The following DSCAM variants were observed in gnomAD, a reference collection of about 807,000 sequenced individuals.
The protein encoded by DSCAM is DS cell adhesion molecule.
In DSCAM, 47 loss-of-function variants were observed where a neutral mutation model predicts 217.7. The ratio of observed to expected loss-of-function variants is 0.22; its 90% CI spans 0.17 to 0.28. DSCAM has a LOEUF of 0.28. Among genes scored for constraint, DSCAM ranks in the 10% least tolerant of loss-of-function variants. The pLI, the probability that DSCAM is intolerant of heterozygous loss-of-function variation, is 1.00. For missense variants in DSCAM, 2,080 were observed against 2,618.3 expected (o/e 0.79, Z 4.49); for synonymous variants, 1,056 against 1,015.3 (o/e 1.04, Z -0.76).
chr21:40,285,996 T>C (rs925131356), intron 10 of DSCAM, among the ~76,000 whole-genome samples: 2 of 151,988 alleles, frequency 1.3e-5, no homozygotes, highest in African/African-American at 2.4e-5. Flanking sequence ...ACCATGGGTG[T>C]GGAGTCTTGG....
intron 3 of DSCAM, among the ~76,000 whole-genome samples, chr21:40,692,495 C>T (rs1020991844): frequency 6.6e-6 from 1 of 152,146 alleles, no homozygotes; most frequent in Non-Finnish European, 1.5e-5. Context: ...CTCACAGATG[C>T]AAAATACTAC....
intron 3 of DSCAM, among the ~76,000 whole-genome samples, chr21:40,655,838 G>C (rs2090069154): frequency 6.6e-6 from 1 of 152,086 alleles, no homozygotes; most frequent in Non-Finnish European, 1.5e-5. Context: ...GGGATCGCTT[G>C]AGTCCAGGAG....
At chr21:40,687,598 T>C (rs1245548365) in intron 3 of DSCAM, among the ~76,000 whole-genome samples, 1 of 152,180 alleles carries the variant, frequency 6.6e-6, no homozygotes, top group Non-Finnish European at 1.5e-5. Flanking sequence ...CTGCTCTTAG[T>C]TCTGGTTTGC....
At chr21:40,696,331 G>A (rs1033604695) in intron 2 of DSCAM, among the ~76,000 whole-genome samples, 9 of 152,128 alleles carry the variant, frequency 5.9e-5, no homozygotes, top group South Asian at 2.1e-4. Flanking sequence ...GGGTTCAAGC[G>A]ACTGAGCAAG....
At chr21:40,714,163 C>T (rs942805986) in intron 1 of DSCAM, among the ~76,000 whole-genome samples, 8 of 152,250 alleles carry the variant, frequency 5.3e-5, no homozygotes, top group East Asian at 3.9e-4. Context: ...GAGGTGGAGC[C>T]GGCACAAAGA....
chr21:40,164,501 C>G (rs1330993274), intron 16 of DSCAM, among the ~76,000 whole-genome samples: 2 of 152,084 alleles, frequency 1.3e-5, no homozygotes, highest in Admixed American at 6.6e-5. Context: ...AAAGAAATAA[C>G]TAAGATAAAA....
chr21:40,506,649 G>A (rs1251993567), intron 3 of DSCAM, among the ~76,000 whole-genome samples: 2 of 152,202 alleles, frequency 1.3e-5, no homozygotes, highest in African/African-American at 4.8e-5. Flanking sequence ...TGAGGACTAT[G>A]TGTCAAGATT....
intron 3 of DSCAM, among the ~76,000 whole-genome samples, chr21:40,675,686 C>T (rs2090329948): frequency 6.6e-6 from 1 of 152,148 alleles, no homozygotes; most frequent in Non-Finnish European, 1.5e-5. Context: ...ATAAATCTTG[C>T]CATAAAACTG....
intron 1 of DSCAM, among the ~76,000 whole-genome samples, chr21:40,793,701 C>T (rs547127305): frequency 7.9e-5 from 12 of 152,100 alleles, no homozygotes; most frequent in South Asian, 6.2e-4. Context: ...ATGTTGACCC[C>T]GCTGGTCTCA....
chr21:40,036,982 A>C (rs1320576209), intron 32 of DSCAM, among the ~76,000 whole-genome samples: 1 of 150,506 alleles, frequency 6.6e-6, no homozygotes, highest in Non-Finnish European at 1.5e-5. Context: ...CATGCTAAAA[A>C]CTCTTAATAA....
chr21:40,109,488 G>C (rs1329848856), intron 20 of DSCAM, among the ~76,000 whole-genome samples: 1 of 152,234 alleles, frequency 6.6e-6, no homozygotes, highest in African/African-American at 2.4e-5. Context: ...CTCCCAGTGT[G>C]AGCGACGCAG....
chr21:40,138,237 T>C (rs1174551110), intron 18 of DSCAM, among the ~76,000 whole-genome samples: 3 of 152,136 alleles, frequency 2.0e-5, no homozygotes, highest in Non-Finnish European at 2.9e-5. Context: ...CCTGTGTGAA[T>C]GTGTGGGGGG....
chr21:40,093,846 T>C lies in DSCAM; in HGVS notation c.3725A>G (p.Asp1242Gly). The change falls in exon 21 of 33, where the codon GAC (aspartate) becomes GGC (glycine). Residue 1242 changes from aspartate (D) to glycine (G), a missense_variant. This residue lies in a region of DSCAM where 1,144 missense variants were observed against 1,421.1 expected (regional missense o/e 0.81). Coordinates refer to ENST00000400454, the MANE Select transcript of DSCAM (RefSeq NM_001389.5). The part of the protein sequence containing the change: ...TVISEFEASP[D>G]SFSYRIPNLS... ...GTTGGGAATTCTGTAGGAAAACGAG[T>C]CGGGAGAGGCCTCAAACTCGCTGAT... The C allele has an allele frequency of 6.2e-7, 1 of 1,613,154 alleles. No individual in the cohort carries two copies. The highest frequency in any genetic ancestry group is 1.3e-5 in the African/African-American group (1 of 74,746).
intron 11 of DSCAM, among the ~76,000 whole-genome samples, chr21:40,259,966 A>G (rs1230191306): frequency 1.3e-5 from 2 of 151,814 alleles, no homozygotes; most frequent in Non-Finnish European, 1.5e-5. Flanking sequence ...TGACCTTGTG[A>G]TCCGCCCGCC....
chr21:40,655,584 A>G (rs563597135), intron 3 of DSCAM, among the ~76,000 whole-genome samples: 2 of 151,990 alleles, frequency 1.3e-5, no homozygotes, highest in Admixed American at 1.3e-4. Flanking sequence ...CTAGGACTAC[A>G]GGTGTGCACC....
In DSCAM at chr21:40,025,085, T is replaced by G. The variant is rs62235581; in HGVS notation, c.5687-11699A>C. ...ATTGAGAGTTTTTAGCATGAAGGGTTGTTGAATTTTGTCAAAGGCCTTTTC... is the reference window on the plus strand; with the variant it reads ...ATTGAGAGTTTTTAGCATGAAGGGTGGTTGAATTTTGTCAAAGGCCTTTTC... On this transcript the variant is annotated intron_variant, in intron 32 of 32. Coordinates refer to ENST00000400454, the MANE Select transcript of DSCAM (RefSeq NM_001389.5). Among the ~76,000 whole-genome samples, 52 of 118,076 alleles carry G rather than the reference T, an allele frequency of 4.4e-4. 3 individuals carry two copies. Among genetic ancestry groups the G allele is most frequent in the Non-Finnish European group, 8.4e-4 (46 of 54,514 alleles). 77.5% of individuals were successfully genotyped at this position (118,076 alleles called of 152,430 possible). A position where few individuals can be genotyped will look rare whatever the true frequency, so the allele number is the denominator to read the frequency against.
chr21:40,250,406 A>C (rs2073286923), intron 11 of DSCAM, among the ~76,000 whole-genome samples: 2 of 152,208 alleles, frequency 1.3e-5, no homozygotes, highest in Admixed American at 1.3e-4. Flanking sequence ...TATATATGAC[A>C]CTATGTGGTA....
At chr21:40,061,294 C>T (rs965696954) in intron 28 of DSCAM, among the ~76,000 whole-genome samples, 32 of 152,120 alleles carry the variant, frequency 2.1e-4, no homozygotes, top group African/African-American at 7.2e-4. Flanking sequence ...GTTATCCTTC[C>T]GTGGTGGCTC....
rs576577486 is a variant in DSCAM, at chr21:40,333,793, T to C, written c.1783+4308A>G. On this transcript the variant is annotated intron_variant, in intron 8 of 32. Coordinates refer to ENST00000400454, the MANE Select transcript of DSCAM (RefSeq NM_001389.5). ...GTCTTGCACTCCTGGCCTCAAGCCA[T>C]TCTTCTGCCTGAGTCTCCGGAGTAG... 1.4e-3 allele frequency among the ~76,000 whole-genome samples: 219 copies of C among 152,318 alleles called. 1 individual carries two copies. Among genetic ancestry groups the C allele is most frequent in the African/African-American group, 5.1e-3 (210 of 41,564 alleles).
Sources: allele counts gnomAD v4.1 joint callset (sites outside exome capture counted in the v4.1 genomes callset), GRCh38; gene constraint gnomAD v4.1.1; regional missense constraint gnomAD v4.1.1; transcripts MANE v1.5; gene names NCBI Gene and HGNC (gene_info 2026-07-23, HGNC 2026-07-21).